ROBO2: variants seen among roughly 807,000 people sequenced by gnomAD.
ROBO2 encodes the protein roundabout guidance receptor 2.
ROBO2 carries 53 observed loss-of-function variants against 160.8 expected under a neutral mutation model. The ratio of observed to expected loss-of-function variants is 0.33; its 90% CI spans 0.26 to 0.41. The LOEUF (loss-of-function observed/expected upper bound fraction) is 0.41. Among genes scored for constraint, ROBO2 ranks in the 10% least tolerant of loss-of-function variants. The pLI is 1.00. For missense variants in ROBO2, 1,577 were observed against 1,722.4 expected, an observed-to-expected ratio of 0.92 and a Z score of 1.49; for synonymous variants, 664 against 611.7, an observed-to-expected ratio of 1.09 and a Z score of -1.26.
chr3:77,388,013 GA>G (rs910328381), intron 2 of ROBO2, among the ~76,000 whole-genome samples: 5 of 149,910 alleles, frequency 3.3e-5, no homozygotes, highest in South Asian at 2.1e-4. Context: ...CAAGAAAAAA[GA>G]AAAAAAAATG....
At chr3:77,356,428 G>T (rs935122769) in intron 2 of ROBO2, among the ~76,000 whole-genome samples, 1 of 152,088 alleles carries the variant, frequency 6.6e-6, no homozygotes, top group Admixed American at 6.6e-5. Context: ...AAAAACAACT[G>T]TATGCACATC....
At chr3:76,272,961 T>TTATATATAATATATATAATATATA (rs1707643183) in intron 2 of ROBO2, among the ~76,000 whole-genome samples, 1 of 9,250 alleles carries the variant, frequency 1.1e-4, no homozygotes, top group African/African-American at 1.8e-4. Flanking sequence ...ATAATATATA[T>TTATATATAATATATATAATATATA]TTATATATAA....
intron 2 of ROBO2, among the ~76,000 whole-genome samples, chr3:76,721,048 C>T (rs2093457790): frequency 6.6e-6 from 1 of 152,104 alleles, no homozygotes; most frequent in South Asian, 2.1e-4. Context: ...GTTTGAGTTC[C>T]TCAACATGAG....
intron 2 of ROBO2, among the ~76,000 whole-genome samples, chr3:77,446,673 A>G (rs551045040): frequency 5.8e-4 from 89 of 152,206 alleles, no homozygotes; most frequent in African/African-American, 2.0e-3. Flanking sequence ...CCCACATATT[A>G]TAATTTCTAC....
chr3:76,622,237 A>AGGAAGGAAGGAAG (rs1378124303), intron 2 of ROBO2, among the ~76,000 whole-genome samples: 2 of 40,244 alleles, frequency 5.0e-5, no homozygotes, highest in African/African-American at 2.3e-4. Flanking sequence ...GAAGGAAGGA[A>AGGAAGGAAGGAAG]GAAAGAAAGA....
chr3:77,238,089 T>G (rs57899004), intron 2 of ROBO2, among the ~76,000 whole-genome samples: 158 of 152,082 alleles, frequency 1.0e-3, no homozygotes, highest in African/African-American at 3.6e-3. Context: ...CAGATTTTTT[T>G]TTGCTGTTGA....
At chr3:76,264,411 A>G (rs1251993720) in intron 2 of ROBO2, among the ~76,000 whole-genome samples, 3 of 150,806 alleles carry the variant, frequency 2.0e-5, no homozygotes, top group African/African-American at 7.3e-5. Flanking sequence ...TTTCCTCGTT[A>G]TTATAGCTCC....
At chr3:75,908,424 G>A (rs1444320252) in intron 1 of ROBO2, among the ~76,000 whole-genome samples, 1 of 146,618 alleles carries the variant, frequency 6.8e-6, no homozygotes, top group Non-Finnish European at 1.5e-5. Flanking sequence ...ATAAATTTAA[G>A]GAGAAAAGTG....
chr3:77,091,735 T>A (rs535326174), intron 1 of ROBO2, among the ~76,000 whole-genome samples: 39 of 151,996 alleles, frequency 2.6e-4, no homozygotes, highest in Non-Finnish European at 1.0e-4. Flanking sequence ...TCCCAGCACT[T>A]CTGGAGGCCG....
intron 3 of ROBO2, among the ~76,000 whole-genome samples, chr3:77,478,302 T>A (rs1160148556): frequency 6.6e-6 from 1 of 152,222 alleles, no homozygotes; most frequent in Non-Finnish European, 1.5e-5. Flanking sequence ...TTTTTCCAGT[T>A]TTTCCAATTG....
intron 2 of ROBO2, among the ~76,000 whole-genome samples, chr3:75,967,299 A>G (rs981345623): frequency 2.6e-5 from 4 of 151,604 alleles, no homozygotes; most frequent in African/African-American, 7.2e-5. Flanking sequence ...CTATATGCCA[A>G]TCTTGAGAAG....
At chr3:76,807,189 C>A (rs953526526) in intron 2 of ROBO2, among the ~76,000 whole-genome samples, 1 of 151,940 alleles carries the variant, frequency 6.6e-6, no homozygotes, top group African/African-American at 2.4e-5. Context: ...CATCTGAGTT[C>A]TATCAAATGG....
chr3:76,219,559 A>T (rs1703813832), intron 2 of ROBO2, among the ~76,000 whole-genome samples: 1 of 152,238 alleles, frequency 6.6e-6, no homozygotes, highest in South Asian at 2.1e-4. Context: ...TATGCAGCCA[A>T]CAGACACATG....
At chr3:76,606,515 T>C (rs2087669102) in intron 2 of ROBO2, among the ~76,000 whole-genome samples, 1 of 152,200 alleles carries the variant, frequency 6.6e-6, no homozygotes, top group African/African-American at 2.4e-5. Flanking sequence ...GTAATTATTA[T>C]TTTACAAGTC....
chr3:76,179,372 C>T (rs1380169917), intron 2 of ROBO2, among the ~76,000 whole-genome samples: 1 of 152,150 alleles, frequency 6.6e-6, no homozygotes, highest in Non-Finnish European at 1.5e-5. Flanking sequence ...TGCAAACCTA[C>T]CTCTTCCCCA....
At chr3:76,597,699 T>TC (rs1390567007) in intron 2 of ROBO2, among the ~76,000 whole-genome samples, 2 of 143,610 alleles carry the variant, frequency 1.4e-5, no homozygotes, top group Non-Finnish European at 3.1e-5. Flanking sequence ...CCTCCCACCC[T>TC]CCCCGCTTAA....
At chr3:76,854,012 T>A (rs1487964049) in intron 2 of ROBO2, among the ~76,000 whole-genome samples, 1 of 139,806 alleles carries the variant, frequency 7.2e-6, no homozygotes, top group Admixed American at 7.4e-5. Context: ...GCCAAAAGCA[T>A]AGACTTTCTC....
intron 2 of ROBO2, among the ~76,000 whole-genome samples, chr3:77,314,219 C>T (rs1168095566): frequency 6.6e-6 from 1 of 152,146 alleles, no homozygotes; most frequent in Non-Finnish European, 1.5e-5. Flanking sequence ...GAGGGGACCA[C>T]CACAAACATT....
At chr3:76,243,669 A>G (rs1044251548) in intron 2 of ROBO2, among the ~76,000 whole-genome samples, 3 of 152,194 alleles carry the variant, frequency 2.0e-5, no homozygotes, top group Non-Finnish European at 4.4e-5. Flanking sequence ...ATGCCTGCAG[A>G]TAAGAAAAGT....
Sources: gnomAD v4.1 joint callset for allele counts (sites outside exome capture counted in the v4.1 genomes callset) on GRCh38, gnomAD v4.1.1 for gene constraint, MANE v1.5 for transcripts, NCBI Gene and HGNC (gene_info 2026-07-23, HGNC 2026-07-21) for gene names.